ATP2C1: variants seen among roughly 807,000 people sequenced by gnomAD.
The protein encoded by ATP2C1 is ATPase secretory pathway Ca2+ transporting 1.
A neutral mutation model predicts 120.5 loss-of-function variants in ATP2C1; 31 were observed. That is an observed-to-expected ratio of 0.26 (90% CI 0.19 to 0.35). The LOEUF (loss-of-function observed/expected upper bound fraction) is 0.35, where lower values mean the gene tolerates loss of function less well. ATP2C1 is among the 10% of genes least tolerant of loss of function. The pLI, the probability that ATP2C1 is intolerant of heterozygous loss-of-function variation, is 1.00. For missense variants in ATP2C1, 731 were observed against 1,107.5 expected (o/e 0.66, Z 4.83); for synonymous variants, 351 against 358.7 (o/e 0.98, Z 0.24).
At position 130,894,198 on chromosome 3, in the gene ATP2C1, T is replaced by G. The variant is rs2069365527; in HGVS notation, c.-320T>G. On this transcript the variant is annotated 5_prime_UTR_variant, in exon 1 of 28. Coordinates refer to ENST00000510168, the MANE Select transcript of ATP2C1 (RefSeq NM_001378687.1). This position sits in a 1 kb window ranked among gnomAD's most constrained non-coding sequence, Gnocchi z 4.5. ...CCTCCCTTCCTCCCTCCCGCTCGCT[T>G]CTTCTCACGCCGGGAGCAGGCTCCC... 1 of 977,432 alleles carries G rather than the reference T, an allele frequency of 1.0e-6. No homozygotes were observed. The highest frequency in any genetic ancestry group is 1.2e-6 in the Non-Finnish European group (1 of 825,086). The allele number at this position is 977,432 out of a possible 1,614,324, so 60.5% of individuals were successfully genotyped here. A position where few individuals can be genotyped will look rare whatever the true frequency, so the allele number is the denominator to read the frequency against.
chr3:130,953,761 A>C, intron 8 of ATP2C1, 60 bp from the exon 9 acceptor site: 1 of 1,553,598 alleles, frequency 6.4e-7, no homozygotes, highest in Non-Finnish European at 8.9e-7. Flanking sequence ...ATGGTTATGA[A>C]CTCTAGAGAT....
chr3:130,972,800 T>A (rs981973446), intron 17 of ATP2C1, among the ~76,000 whole-genome samples: 2 of 151,390 alleles, frequency 1.3e-5, no homozygotes, highest in Non-Finnish European at 3.0e-5. Context: ...GAACTCATCA[T>A]TTTTTATGGC....
At chr3:130,990,910 A>T (rs1190850360) in intron 20 of ATP2C1, among the ~76,000 whole-genome samples, 3 of 152,224 alleles carry the variant, frequency 2.0e-5, no homozygotes, top group Non-Finnish European at 2.9e-5. Flanking sequence ...AGAGGATAGG[A>T]AGGAGCAAGA....
intron 2 of ATP2C1, among the ~76,000 whole-genome samples, chr3:130,913,461 G>A (rs1371571134): frequency 6.6e-6 from 1 of 152,124 alleles, no homozygotes; most frequent in Non-Finnish European, 1.5e-5. Flanking sequence ...CAGAAATTAT[G>A]CAGTTTAGCT....
intron 20 of ATP2C1, among the ~76,000 whole-genome samples, chr3:130,987,798 T>G (rs976103739): frequency 3.9e-5 from 6 of 152,270 alleles, no homozygotes; most frequent in Admixed American, 1.3e-4. Context: ...TTTTTCATAA[T>G]TCTTTTGAAC....
chr3:130,856,301 CTT>C (rs1478444006), intron 1 of ATP2C1: 1 of 152,060 alleles, frequency 6.6e-6, no homozygotes, highest in African/African-American at 2.4e-5. Context: ...ATTTTAGAAA[CTT>C]ATTTCTGCAT....
chr3:130,945,486 A>C (rs937995411), intron 8 of ATP2C1, among the ~76,000 whole-genome samples: 2 of 25,114 alleles, frequency 8.0e-5, no homozygotes, highest in South Asian at 2.7e-3. Context: ...TTTACATTAG[A>C]TAATATCTCC....
In ATP2C1 at chr3:130,989,648, A is replaced by G. The variant is rs768714009; in HGVS notation, c.1840-3303A>G. On this transcript the variant is annotated intron_variant, in intron 20 of 27. Coordinates refer to ENST00000510168, the MANE Select transcript of ATP2C1 (RefSeq NM_001378687.1). ...CGCTTGCTCGAGCCCGTTCTACTCT[A>G]TGGAGTGTACTTTTGCTTCAATAAG... Among the ~76,000 whole-genome samples the G allele has an allele frequency of 5.3e-5, 8 of 150,894 alleles. No homozygotes were observed. In the South Asian group the frequency reaches 1.0e-3, roughly 20 times the overall value.
Position 131,001,305 on chromosome 3 carries a change from C to T in ATP2C1, c.2715C>T (p.Ile905=), listed in dbSNP as rs1553783717. The T allele has an allele frequency of 1.2e-6, 2 of 1,613,496 alleles. No homozygotes were observed. Among genetic ancestry groups the T allele is most frequent in the Admixed American group, 1.7e-5 (1 of 60,004 alleles). Residue 905 remains isoleucine, a synonymous_variant, in exon 28 of 28, where the codon ATC becomes ATT. Transcript: ENST00000510168. ...AGGTTGAAAGGAGCAGGGAAAAGAT[C>T]CAGAAGCATGTTAGTTCGACATCAT... ...IKKVERSREK[I]QKHVSSTSSS... is the part of the protein sequence containing the mutation.
At chr3:130,865,524 C>G (rs1283724724) in intron 1 of ATP2C1, among the ~76,000 whole-genome samples, 1 of 152,070 alleles carries the variant, frequency 6.6e-6, no homozygotes, top group African/African-American at 2.4e-5. Flanking sequence ...GACAGTGTCC[C>G]CACCCAAATT....
intron 16 of ATP2C1, among the ~76,000 whole-genome samples, chr3:130,968,520 AC>A (rs1478374746): frequency 6.6e-6 from 1 of 152,178 alleles, no homozygotes; most frequent in Non-Finnish European, 1.5e-5. Context: ...TAGGGAATGA[AC>A]TAAAGTAGAA....
upstream of ATP2C1, among the ~76,000 whole-genome samples, chr3:130,893,701 G>A (rs542974197): frequency 4.7e-4 from 71 of 152,328 alleles, 1 homozygote; most frequent in East Asian, 0.013. Flanking sequence ...AGCTTGGGCC[G>A]ACCCCGCGGC....
chr3:131,011,289 A>G (rs1339162447), intron 26 of ATP2C1, among the ~76,000 whole-genome samples: 2 of 152,200 alleles, frequency 1.3e-5, no homozygotes, highest in African/African-American at 4.8e-5. Context: ...TTCCAGTATA[A>G]TTTTATCACC....
At chr3:130,887,242 G>A (rs1307190910) in intron 1 of ATP2C1, among the ~76,000 whole-genome samples, 1 of 152,184 alleles carries the variant, frequency 6.6e-6, no homozygotes, top group Non-Finnish European at 1.5e-5. Context: ...CTACCCCCCT[G>A]GCCCTCACTA....
Position 130,979,317 on chromosome 3 carries a change from C to A in ATP2C1, c.1639C>A (p.Pro547Thr). ...TCTTGGCTTGGTGGGAATCATTGAT[C>A]CACCTAGAACTGGTGTGAAAGAAGC... ...TFLGLVGIID[P>T]PRTGVKEAVT... is the part of the protein sequence containing the mutation. The change falls in exon 19 of 28, where the codon CCA becomes ACA. Residue 547 changes from proline to threonine, a missense_variant. Pro to Thr is a conservative substitution (Grantham distance 38). This residue lies in a region of ATP2C1 where 571 missense variants were observed against 845.9 expected (regional missense o/e 0.67). Transcript: ENST00000510168. 6.2e-7 allele frequency: 1 copy of A among 1,613,548 alleles called. No individual in the cohort carries two copies. The highest frequency in any genetic ancestry group is 1.7e-5 in the Admixed American group (1 of 59,952).
upstream of ATP2C1, among the ~76,000 whole-genome samples, chr3:130,891,055 C>T (rs862367): frequency 0.46 from 69,306 of 151,864 alleles, 18,789 homozygotes; most frequent in Non-Finnish European, 0.61. Flanking sequence ...CCAGCCTCAG[C>T]GACAGAGACT....
rs745397500 is a variant in ATP2C1 at position 130,937,439 on chromosome 3, C to T, written c.336C>T (p.Ile112=). Residue 112 remains isoleucine (I), a synonymous_variant, in exon 6 of 28, where the codon ATC becomes ATT. Coordinates refer to ENST00000510168, the MANE Select transcript of ATP2C1 (RefSeq NM_001378687.1). Reference sequence around the variant, plus strand: ...TTTCTTTTGTTTAGGCAATACTTATCGTTGTTACAGTTGCCTTTGTTCAGG... The same window carrying T: ...TTTCTTTTGTTTAGGCAATACTTATTGTTGTTACAGTTGCCTTTGTTCAGG... The part of the protein sequence containing the change: ...DAVSITVAIL[I]VVTVAFVQEY... 1.2e-5 allele frequency: 19 copies of T among 1,613,538 alleles called. No homozygotes were observed. Among genetic ancestry groups the T allele is most frequent in the South Asian group, 4.4e-5 (4 of 91,072 alleles).
intron 20 of ATP2C1, among the ~76,000 whole-genome samples, chr3:130,992,396 G>C (rs529396824): frequency 6.6e-6 from 1 of 151,990 alleles, no homozygotes; most frequent in East Asian, 1.9e-4. Flanking sequence ...CAGGAGATGG[G>C]GTCAGAAAAA....
chr3:130,932,676 A>G (rs2059498126), intron 4 of ATP2C1, among the ~76,000 whole-genome samples: 1 of 152,102 alleles, frequency 6.6e-6, no homozygotes, highest in Non-Finnish European at 1.5e-5. Context: ...CTTATTCTAG[A>G]CTGCTTTTAT....
Sources: gnomAD v4.1 joint callset for allele counts (sites outside exome capture counted in the v4.1 genomes callset) on GRCh38, gnomAD v4.1.1 for gene constraint, gnomAD v4.1.1 regional missense constraint, Gnocchi (gnomAD v3.1) non-coding constraint, MANE v1.5 for transcripts, NCBI Gene and HGNC (gene_info 2026-07-23, HGNC 2026-07-21) for gene names.